The following QPCT variants were observed in gnomAD, a reference collection of about 807,000 sequenced individuals.
The protein encoded by QPCT is EC.
Under a neutral mutation model 43.4 loss-of-function variants are expected in QPCT, and 44 were observed. The observed-to-expected ratio is 1.01, with a 90% confidence interval of 0.80 to 1.30. The LOEUF (loss-of-function observed/expected upper bound fraction) is 1.30, where lower values mean the gene tolerates loss of function less well. QPCT is among the 50% of genes most tolerant of loss of function. The pLI is 0.00. For synonymous variants in QPCT, 168 were observed against 168.4 expected, an observed-to-expected ratio of 1.00 and a Z score of 0.02; for missense variants, 526 against 436.5, an observed-to-expected ratio of 1.21 and a Z score of -1.83.
intron 5 of QPCT, 58 bp downstream of exon 5, chr2:37,369,842 C>T (rs2124943091): frequency 7.1e-7 from 1 of 1,417,004 alleles, no homozygotes; most frequent in Non-Finnish European, 1.0e-6. Flanking sequence ...ACAGATACTA[C>T]ATTTTTAACA....
At chr2:37,372,638 A>G in intron 6 of QPCT, 44 bp from the exon 7 acceptor site, 1 of 1,589,618 alleles carries the variant, frequency 6.3e-7, no homozygotes, top group Admixed American at 1.7e-5. Flanking sequence ...TAGTTTACTC[A>G]CTGGAGTAAT....
chr2:37,355,659 T>G (rs1443956478), intron 2 of QPCT, among the ~76,000 whole-genome samples: 1 of 152,172 alleles, frequency 6.6e-6, no homozygotes. Flanking sequence ...AGCTGCCTAT[T>G]GGATTATTAG....
chr2:37,355,945 C>T lies in QPCT; in HGVS notation c.267+3010C>T, dbSNP rs190125117. On this transcript the variant is annotated intron_variant, in intron 2 of 6. Transcript: ENST00000338415. ...CCCAGGTGCACCCTCAGTCCAGCCC[C>T]CTAAGAGGAGGAGCCCGAGGGACTC... 5.3e-5 allele frequency among the ~76,000 whole-genome samples: 8 copies of T among 152,078 alleles called. 1 individual carries two copies. The highest frequency in any genetic ancestry group is 5.2e-4 in the Admixed American group (8 of 15,270).
chr2:37,347,272 A>T (rs1217918043), intron 1 of QPCT, among the ~76,000 whole-genome samples: 3 of 135,220 alleles, frequency 2.2e-5, no homozygotes, highest in Admixed American at 7.8e-5. Context: ...CATCCACCTC[A>T]CTTGAACTTC....
At chr2:37,357,274 A>G (rs1672771171) in intron 2 of QPCT, among the ~76,000 whole-genome samples, 1 of 148,736 alleles carries the variant, frequency 6.7e-6, no homozygotes. Context: ...GATGTTCTGG[A>G]GTATATGCTT....
At chr2:37,354,603 C>T (rs187855148) in intron 2 of QPCT, among the ~76,000 whole-genome samples, 2 of 152,310 alleles carry the variant, frequency 1.3e-5, no homozygotes, top group Admixed American at 1.3e-4. Flanking sequence ...GGAATCAGCT[C>T]TGCTTCGTGC....
intron 3 of QPCT, among the ~76,000 whole-genome samples, chr2:37,363,908 C>A (rs559169012): frequency 1.3e-5 from 2 of 151,840 alleles, no homozygotes; most frequent in East Asian, 1.9e-4. Flanking sequence ...ACAGTTGGAT[C>A]CTAAAGTAGA....
intron 2 of QPCT, chr2:37,358,931 C>A (rs1377369387): frequency 6.6e-6 from 1 of 152,330 alleles, no homozygotes; most frequent in Non-Finnish European, 1.5e-5. Context: ...ACATGTAAAG[C>A]ATTTGCTGGA....
intron 1 of QPCT, among the ~76,000 whole-genome samples, chr2:37,348,563 G>C (rs1029992026): frequency 1.3e-5 from 2 of 152,208 alleles, no homozygotes; most frequent in Non-Finnish European, 2.9e-5. Flanking sequence ...CTGCATTTCT[G>C]TAATGATCTC....
At chr2:37,359,495 G>C in intron 2 of QPCT, 85 bp from the exon 3 acceptor site, 1 of 1,260,176 alleles carries the variant, frequency 7.9e-7, no homozygotes, top group Non-Finnish European at 1.1e-6. Context: ...AATTTGAAAG[G>C]CACTACTTAA....
chr2:37,371,388 G>T (rs906236228), intron 5 of QPCT, among the ~76,000 whole-genome samples: 50 of 142,700 alleles, frequency 3.5e-4, no homozygotes, highest in African/African-American at 1.3e-3. Context: ...GAGCTGAGGT[G>T]GCGCCACTGC....
intron 1 of QPCT, among the ~76,000 whole-genome samples, chr2:37,345,672 A>G (rs550841790): frequency 1.1e-4 from 17 of 151,862 alleles, no homozygotes; most frequent in South Asian, 6.3e-4. Flanking sequence ...TGTCTCTACT[A>G]AAAAATACAA....
intron 3 of QPCT, among the ~76,000 whole-genome samples, chr2:37,366,232 T>C (rs1022030739): frequency 6.6e-6 from 1 of 152,200 alleles, no homozygotes; most frequent in Non-Finnish European, 1.5e-5. Context: ...ACAGGGGTTA[T>C]TGTCAGACGG....
At chr2:37,357,241 A>G (rs1178245983) in intron 2 of QPCT, among the ~76,000 whole-genome samples, 2 of 150,972 alleles carry the variant, frequency 1.3e-5, no homozygotes, top group African/African-American at 2.4e-5. Flanking sequence ...CATTTTATGG[A>G]GCATTTTATC....
chr2:37,362,185 G>A (rs770589291), intron 3 of QPCT, among the ~76,000 whole-genome samples: 2 of 152,154 alleles, frequency 1.3e-5, no homozygotes, highest in African/African-American at 4.8e-5. Flanking sequence ...AACTATTTCC[G>A]TTTGCCTATG....
chr2:37,362,838 T>C (rs1572735012), intron 3 of QPCT, among the ~76,000 whole-genome samples: 2 of 151,986 alleles, frequency 1.3e-5, no homozygotes. Context: ...GTGTGGAGAG[T>C]GTTTCTAAGT....
chr2:37,345,835 C>CAAAAAA (rs70949752), intron 1 of QPCT, among the ~76,000 whole-genome samples: 2 of 82,596 alleles, frequency 2.4e-5, no homozygotes, highest in Non-Finnish European at 2.4e-5. Context: ...GACTCCGTCT[C>CAAAAAA]AAAAAAAAAA....
chr2:37,369,493 A>G (rs954020214), intron 4 of QPCT, among the ~76,000 whole-genome samples, 192 bp from the exon 5 acceptor site: 1 of 152,252 alleles, frequency 6.6e-6, no homozygotes, highest in Admixed American at 6.5e-5. Flanking sequence ...TCCACATTAC[A>G]TAAGCAAGAT....
At chr2:37,360,475 A>C (rs758536397) in intron 3 of QPCT, among the ~76,000 whole-genome samples, 80 of 152,318 alleles carry the variant, frequency 5.3e-4, no homozygotes, top group Admixed American at 1.5e-3. Context: ...TTAAGGGTAT[A>C]TTGGAAAAAA....
Sources: gnomAD v4.1 joint callset for allele counts (sites outside exome capture counted in the v4.1 genomes callset) on GRCh38, gnomAD v4.1.1 for gene constraint, MANE v1.5 for transcripts, NCBI Gene and HGNC (gene_info 2026-07-23, HGNC 2026-07-21) for gene names.